Variants in VGLL1 observed in about 807,000 individuals in gnomAD.
The protein encoded by VGLL1 is vestigial like family member 1.
VGLL1 carries 4 observed loss-of-function variants against 12.0 expected under a neutral mutation model. The observed-to-expected ratio is 0.33, with a 90% CI of 0.16 to 0.76. The LOEUF (loss-of-function observed/expected upper bound fraction) is 0.76. Among genes scored for constraint, VGLL1 ranks in the 30% least tolerant of loss-of-function variants. VGLL1 has a pLI of 0.60. For synonymous variants in VGLL1, 87 were observed against 81.2 expected (o/e 1.07, Z -0.39); for missense variants, 204 against 208.7 (o/e 0.98, Z 0.14).
At chrX:136,538,648 G>A (rs1276530583) in intron 2 of VGLL1, among the ~76,000 whole-genome samples, 2 of 112,750 alleles carry the variant, frequency 1.8e-5, no homozygotes, top group African/African-American at 6.4e-5. Context: ...TGGACAAGTG[G>A]GGCCTCTGCC....
At position 136,550,805 on chromosome X, in the gene VGLL1, C is replaced by T. The variant is rs751736748; in HGVS notation, c.672C>T (p.Thr224=). The T allele has an allele frequency of 8.3e-7, 1 of 1,207,006 alleles. No homozygotes were observed. Among genetic ancestry groups the T allele is most frequent in the Non-Finnish European group, 1.1e-6 (1 of 893,352 alleles). The part of the protein sequence containing the change: ...KLYVSRGSAS[T]SLPNETLSEL... The stretch of plus-strand genomic sequence containing the variant: ...ATGTATCTCGTGGATCTGCCAGTAC[C>T]AGCCTTCCAAATGAAAGTAGGTATC... Residue 224 remains threonine (T), a synonymous_variant, in exon 4 of 5, where the codon ACC becomes ACT. Coordinates refer to ENST00000370634, the MANE Select transcript of VGLL1 (RefSeq NM_016267.4).
intron 4 of VGLL1, among the ~76,000 whole-genome samples, chrX:136,554,042 A>T (rs1261525725): frequency 1.8e-5 from 2 of 112,530 alleles, no homozygotes; most frequent in Non-Finnish European, 3.7e-5. Context: ...GGACTATAAT[A>T]TACATTGGAG....
At chrX:136,552,338 G>GC (rs1353702038) in intron 4 of VGLL1, among the ~76,000 whole-genome samples, 1 of 112,002 alleles carries the variant, frequency 8.9e-6, no homozygotes, top group Non-Finnish European at 1.9e-5. Flanking sequence ...CCTTAGCATA[G>GC]CCAAGGCAGG....
chrX:136,537,254 C>G (rs2075842480), intron 2 of VGLL1, among the ~76,000 whole-genome samples: 1 of 110,208 alleles, frequency 9.1e-6, no homozygotes, highest in Non-Finnish European at 1.9e-5. Context: ...ATACCTATAT[C>G]TCTGGCTACT....
intron 1 of VGLL1, among the ~76,000 whole-genome samples, chrX:136,532,641 CTTTCTTTCTTTCTTTCTTTCTT>C (rs2075827731): frequency 1.1e-5 from 1 of 88,434 alleles, no homozygotes; most frequent in Non-Finnish European, 2.2e-5. Flanking sequence ...TTCTTTCTTT[CTTTCTTTCTTTCTTTCTTTCTT>C]TTTCTTTCTT....
intron 2 of VGLL1, among the ~76,000 whole-genome samples, chrX:136,541,826 A>G (rs745414955): frequency 8.9e-6 from 1 of 112,227 alleles, no homozygotes; most frequent in South Asian, 3.7e-4. Flanking sequence ...CTCTTCCCCA[A>G]TCAGTGTTGT....
rs569861325 is a variant in VGLL1 at position 136,540,633 on chromosome X, C to T, written c.214+4399C>T. ...ATATGTTGTATTTCTTTCTAGACTC[C>T]TCTCTCCCCTTACCCTCTGAGCTCC... is the stretch of plus-strand genomic sequence containing the variant. On this transcript the variant is annotated intron_variant, in intron 2 of 4. Coordinates refer to ENST00000370634, the MANE Select transcript of VGLL1 (RefSeq NM_016267.4). 5.4e-5 allele frequency among the ~76,000 whole-genome samples: 6 copies of T among 112,065 alleles called. No individual in the cohort carries two copies. The South Asian group carries it at 2.3e-3, about 42-fold the overall frequency.
At chrX:136,554,306 A>T (rs2075895379) in intron 4 of VGLL1, among the ~76,000 whole-genome samples, 1 of 110,269 alleles carries the variant, frequency 9.1e-6, no homozygotes, top group African/African-American at 3.3e-5. Context: ...AGCTCTGGGA[A>T]GAATTAGGGC....
intron 2 of VGLL1, among the ~76,000 whole-genome samples, chrX:136,543,703 T>A (rs2075862329): frequency 9.2e-6 from 1 of 108,707 alleles, no homozygotes; most frequent in Non-Finnish European, 1.9e-5. Context: ...AAACTGAGGC[T>A]ACAGTGAGCT....
In VGLL1 at chrX:136,536,140, A is replaced by T. The variant is rs767500832; in HGVS notation, c.120A>T (p.Val40=). The change falls in exon 2 of 5, where the codon GTA becomes GTT. Residue 40 remains valine (V), a synonymous_variant. Transcript: ENST00000370634. ...FTYFQGDISS[V]VDEHFSRALS... ...ACTTCCAAGGGGACATCAGCAGCGT[A>T]GTGGATGAACACTTCTCCAGAGCTC... The T allele has an allele frequency of 8.3e-7, 1 of 1,211,485 alleles. No individual in the cohort carries two copies. The highest frequency in any genetic ancestry group is 1.8e-5 in the South Asian group (1 of 56,960).
intron 2 of VGLL1, among the ~76,000 whole-genome samples, chrX:136,543,112 C>T (rs2075860747): frequency 9.0e-6 from 1 of 111,501 alleles, no homozygotes. Flanking sequence ...CTCAGCATTT[C>T]GAATACTAGC....
intron 2 of VGLL1, among the ~76,000 whole-genome samples, chrX:136,539,437 C>G (rs1335933806): frequency 8.9e-6 from 1 of 111,892 alleles, no homozygotes; most frequent in East Asian, 2.8e-4. Flanking sequence ...CTTTCCAAAT[C>G]CAATGGTCCC....
chrX:136,539,473 A>G (rs1388916835), intron 2 of VGLL1, among the ~76,000 whole-genome samples: 1 of 111,575 alleles, frequency 9.0e-6, no homozygotes, highest in Admixed American at 9.5e-5. Context: ...GATTTGACCT[A>G]TCATAACATT....
intron 1 of VGLL1, 116 bp from the exon 2 acceptor site, chrX:136,535,880 G>C: frequency 1.8e-6 from 1 of 557,048 alleles, no homozygotes; most frequent in East Asian, 3.4e-5. Flanking sequence ...TGGGGCCCCA[G>C]TGAGCACGTG....
chrX:136,543,060 T>C (rs1430530619), intron 2 of VGLL1, among the ~76,000 whole-genome samples: 3 of 111,723 alleles, frequency 2.7e-5, no homozygotes, highest in African/African-American at 6.5e-5. Flanking sequence ...GGGGAGTCTA[T>C]AGTATTTGCC....
At chrX:136,532,577 CT>C (rs775454807) in intron 1 of VGLL1, among the ~76,000 whole-genome samples, 1 of 6,454 alleles carries the variant, frequency 1.5e-4, no homozygotes, top group South Asian at 7.6e-3. Context: ...TCAAATATTT[CT>C]TTCTTTCTTT....
At chrX:136,542,474 C>T (rs912159588) in intron 2 of VGLL1, among the ~76,000 whole-genome samples, 1 of 112,102 alleles carries the variant, frequency 8.9e-6, no homozygotes, top group Admixed American at 9.4e-5. Flanking sequence ...GATATGGTTA[C>T]GTTTTGGGGG....
intron 2 of VGLL1, among the ~76,000 whole-genome samples, chrX:136,537,002 TA>T (rs2075841627): frequency 8.9e-6 from 1 of 112,633 alleles, no homozygotes; most frequent in Admixed American, 9.4e-5. Flanking sequence ...ATGTTGATAA[TA>T]TTTACATTTT....
intron 3 of VGLL1, 40 bp downstream of exon 3, chrX:136,549,048 A>T (rs1340393176): frequency 4.3e-6 from 5 of 1,164,214 alleles, no homozygotes; most frequent in Non-Finnish European, 5.8e-6. Flanking sequence ...GGTGCCTCTG[A>T]TTGGTTGTGG....
Sources: allele counts gnomAD v4.1 joint callset (sites outside exome capture counted in the v4.1 genomes callset), GRCh38; gene constraint gnomAD v4.1.1; transcripts MANE v1.5; gene names NCBI Gene and HGNC (gene_info 2026-07-23, HGNC 2026-07-21).